The following COL4A2 variants were observed in gnomAD, a reference collection of about 807,000 sequenced individuals.
COL4A2 encodes the protein collagen alpha-2(IV) chain.
In COL4A2, 99 loss-of-function variants were observed where a neutral mutation model predicts 200.2. The observed-to-expected ratio is 0.49, with a 90% CI of 0.42 to 0.58. The LOEUF (loss-of-function observed/expected upper bound fraction) is 0.58, where lower values mean the gene tolerates loss of function less well. COL4A2 is among the 20% of genes least tolerant of loss of function. The pLI is 0.00. For missense variants in COL4A2, 1,950 were observed against 2,314.1 expected, an observed-to-expected ratio of 0.84 and a Z score of 3.23; for synonymous variants, 897 against 900.6, an observed-to-expected ratio of 1.00 and a Z score of 0.07.
intron 21 of COL4A2, 43 bp from the exon 22 acceptor site, chr13:110,458,728 G>A: frequency 6.2e-7 from 1 of 1,612,218 alleles, no homozygotes; most frequent in East Asian, 2.2e-5. Flanking sequence ...GCCACGCTAA[G>A]AGGAATGCGG....
chr13:110,503,488 G>T lies in COL4A2; in HGVS notation c.4138+7G>T. The T allele has an allele frequency of 1.3e-6, 2 of 1,516,210 alleles. No individual in the cohort carries two copies. Among genetic ancestry groups the T allele is most frequent in the Non-Finnish European group, 1.8e-6 (2 of 1,116,060 alleles). 93.9% of individuals were successfully genotyped at this position (1,516,210 alleles called of 1,614,324 possible). On this transcript the variant is annotated splice_region_variant and intron_variant, in intron 43 of 47. Coordinates refer to ENST00000360467, the MANE Select transcript of COL4A2 (RefSeq NM_001846.4). The stretch of plus-strand genomic sequence containing the variant: ...GGAGACCCAGGATTCCCTGGTAAGT[G>T]ACCGTCTGGTATCTTCAGAGCTAGT...
intron 4 of COL4A2, among the ~76,000 whole-genome samples, chr13:110,407,800 C>A (rs1360754445): frequency 6.6e-6 from 1 of 152,132 alleles, no homozygotes; most frequent in East Asian, 1.9e-4. Flanking sequence ...GGACGGGGGA[C>A]AGCAGTGTCT....
At chr13:110,415,483 A>T (rs775227881) in intron 4 of COL4A2, among the ~76,000 whole-genome samples, 26 of 152,222 alleles carry the variant, frequency 1.7e-4, no homozygotes, top group Non-Finnish European at 2.6e-4. Flanking sequence ...AAAGCTGTGC[A>T]TCACAGCCAG....
At chr13:110,481,928 G>A (rs1742009728) in intron 31 of COL4A2, among the ~76,000 whole-genome samples, 1 of 135,714 alleles carries the variant, frequency 7.4e-6, no homozygotes, top group East Asian at 2.0e-4. Context: ...CCGTGCTGGA[G>A]ACACACTGCT....
chr13:110,468,698 A>G (rs1882346373), intron 27 of COL4A2, among the ~76,000 whole-genome samples: 2 of 152,186 alleles, frequency 1.3e-5, no homozygotes. Flanking sequence ...CGGGGATAAA[A>G]AAGTGTGGCA....
rs61970344 is a variant in COL4A2, at chr13:110,505,166, C to T, written c.4402+902C>T. On this transcript the variant is annotated intron_variant, in intron 45 of 47. Transcript: ENST00000360467. Reference sequence around the variant, plus strand: ...GAGATCGAGACCATCCTGGCTAACACGGTGAAACCCCGTCTCTACTAAAAA... The same window carrying T: ...GAGATCGAGACCATCCTGGCTAACATGGTGAAACCCCGTCTCTACTAAAAA... Among the ~76,000 whole-genome samples the T allele has an allele frequency of 9.5e-3, 1,430 of 151,142 alleles. 8 individuals carry two copies. Among genetic ancestry groups the T allele is most frequent in the Non-Finnish European group, 0.015 (986 of 67,710 alleles).
intron 4 of COL4A2, among the ~76,000 whole-genome samples, chr13:110,360,138 C>T (rs1243557643): frequency 6.6e-6 from 1 of 152,190 alleles, no homozygotes; most frequent in Non-Finnish European, 1.5e-5. Context: ...ACCCCGCAGC[C>T]CTTGACTGGC....
At chr13:110,373,315 A>G (rs1878097870) in intron 4 of COL4A2, among the ~76,000 whole-genome samples, 1 of 152,256 alleles carries the variant, frequency 6.6e-6, no homozygotes, top group Admixed American at 6.5e-5. Flanking sequence ...TTACCTTCAC[A>G]GAGTTGATAT....
At position 110,424,948 on chromosome 13, in the gene COL4A2, C is replaced by G. The variant is rs886049967; in HGVS notation, c.316-5C>G. ...CTTGGTTAATTGCATTTGCTTTCTTCATAGGGAGCAAGAGGCGTTTCTGGA... is the reference window on the plus strand; with the variant it reads ...CTTGGTTAATTGCATTTGCTTTCTTGATAGGGAGCAAGAGGCGTTTCTGGA... On this transcript the variant is annotated splice_polypyrimidine_tract_variant and splice_region_variant and intron_variant, in intron 5 of 47. Transcript: ENST00000360467. 1.9e-6 allele frequency: 3 copies of G among 1,614,208 alleles called. No homozygotes were observed. The highest frequency in any genetic ancestry group is 1.6e-4 in the Middle Eastern group (1 of 6,062).
chr13:110,490,394 G>T (rs931112416), intron 36 of COL4A2, among the ~76,000 whole-genome samples: 1 of 152,266 alleles, frequency 6.6e-6, no homozygotes, highest in African/African-American at 2.4e-5. Context: ...TGCTCAAGTT[G>T]CTGGAGCCCC....
At chr13:110,497,356 G>A (rs1424350350) in intron 40 of COL4A2, among the ~76,000 whole-genome samples, 2 of 150,290 alleles carry the variant, frequency 1.3e-5, no homozygotes, top group East Asian at 2.0e-4. Flanking sequence ...GCTTCAGCCA[G>A]GATTGAGGGT....
chr13:110,307,761 C>A lies in COL4A2; in HGVS notation c.-44-99C>A. 1 of 1,166,596 alleles carries A rather than the reference C, an allele frequency of 8.6e-7. No individual in the cohort carries two copies. The highest frequency in any genetic ancestry group is 1.2e-6 in the Non-Finnish European group (1 of 842,336). The allele number at this position is 1,166,596 out of a possible 1,614,324, so 72.3% of individuals were successfully genotyped here. On this transcript the variant is annotated intron_variant, in intron 1 of 47. Transcript: ENST00000360467. The surrounding 1 kb of genome is among the most constrained non-coding windows in gnomAD (Gnocchi z 5.0). ...TCCGGTCACCCCTGCATGCGGGCCG[C>A]GCACCGCGCTGTCCCCGCGTCTCGC...
intron 4 of COL4A2, among the ~76,000 whole-genome samples, chr13:110,398,234 T>C (rs1313840936): frequency 6.6e-6 from 1 of 152,100 alleles, no homozygotes; most frequent in Non-Finnish European, 1.5e-5. Context: ...TGTATTCAAG[T>C]GCAACTTTTT....
rs1029162930 is a variant in COL4A2 at position 110,484,806 on chromosome 13, G to A, written c.2903-99G>A. ...CTCTCCAAGGCTTCCCTGCTTGGGGGAGACGTGCAGCCCTATGGCTCAGGG... is the reference window on the plus strand; with the variant it reads ...CTCTCCAAGGCTTCCCTGCTTGGGGAAGACGTGCAGCCCTATGGCTCAGGG... On this transcript the variant is annotated intron_variant, in intron 32 of 47. Transcript: ENST00000360467. 3.5e-6 allele frequency: 5 copies of A among 1,438,306 alleles called. No individual in the cohort carries two copies. The South Asian group carries it at 6.5e-5, about 19-fold the overall frequency. 89.1% of individuals were successfully genotyped at this position (1,438,306 alleles called of 1,614,324 possible). A position where few individuals can be genotyped will look rare whatever the true frequency, so the allele number is the denominator to read the frequency against.
At chr13:110,311,816 A>G (rs1430940920) in intron 3 of COL4A2, among the ~76,000 whole-genome samples, 2 of 152,194 alleles carry the variant, frequency 1.3e-5, no homozygotes, top group African/African-American at 2.4e-5. Flanking sequence ...TGGGGCCACA[A>G]TAGACGTGGG....
At chr13:110,485,626 G>T (rs764746604) in intron 33 of COL4A2, 29 bp from the exon 34 acceptor site, 13 of 1,561,820 alleles carry the variant, frequency 8.3e-6, no homozygotes, top group Middle Eastern at 1.7e-4. Flanking sequence ...GTCCTCACCA[G>T]AGTGTTACAC....
chr13:110,449,642 G>C (rs188720127), intron 18 of COL4A2, 37 bp from the exon 19 acceptor site: 1 of 1,506,580 alleles, frequency 6.6e-7, no homozygotes, highest in Non-Finnish European at 8.9e-7. Context: ...CGTAGACCAC[G>C]GTCTTGTTCT....
chr13:110,346,948 T>C (rs1876730430), intron 3 of COL4A2, among the ~76,000 whole-genome samples: 1 of 152,238 alleles, frequency 6.6e-6, no homozygotes, highest in South Asian at 2.1e-4. Context: ...CCTGCGCTTA[T>C]CGTGGCTCAC....
intron 16 of COL4A2, among the ~76,000 whole-genome samples, chr13:110,441,432 A>G (rs1881119719): frequency 6.6e-6 from 1 of 152,160 alleles, no homozygotes. Context: ...GCAACCTCCA[A>G]TGATCATACT....
Sources: gnomAD v4.1 joint callset for allele counts (sites outside exome capture counted in the v4.1 genomes callset) on GRCh38, gnomAD v4.1.1 for gene constraint, Gnocchi (gnomAD v3.1) non-coding constraint, MANE v1.5 for transcripts, NCBI Gene and HGNC (gene_info 2026-07-23, HGNC 2026-07-21) for gene names.